PDE8B: variants seen among roughly 807,000 people sequenced by gnomAD.
PDE8B encodes phosphodiesterase 8B.
Under a neutral mutation model 101.3 loss-of-function variants are expected in PDE8B, and 26 were observed. That is an observed-to-expected ratio of 0.26 (90% CI 0.19 to 0.36). The LOEUF is 0.36. PDE8B is among the 10% of genes least tolerant of loss of function. The probability of loss-of-function intolerance (pLI) is 1.00; values close to 1 mark genes in which losing one functional copy is unlikely to be tolerated. For missense variants in PDE8B, 810 were observed against 1,163.1 expected, an observed-to-expected ratio of 0.70 and a Z score of 4.42; for synonymous variants, 424 against 429.3, an observed-to-expected ratio of 0.99 and a Z score of 0.15.
intron 18 of PDE8B, among the ~76,000 whole-genome samples, chr5:77,418,951 G>T (rs545975274): frequency 6.6e-6 from 1 of 152,104 alleles, no homozygotes; most frequent in Non-Finnish European, 1.5e-5. Context: ...AGGCTTGTGG[G>T]TATTTCCCAC....
chr5:77,290,511 CGAG>C (rs1767058431), intron 1 of PDE8B: 2 of 1,469,126 alleles, frequency 1.4e-6, no homozygotes, highest in South Asian at 2.3e-5. Context: ...TGCTCCAAAA[CGAG>C]GAGAAATAGT....
At chr5:77,260,264 CT>C (rs1760255907) in intron 1 of PDE8B, among the ~76,000 whole-genome samples, 1 of 151,472 alleles carries the variant, frequency 6.6e-6, no homozygotes, top group African/African-American at 2.4e-5. Context: ...ATTCAGGATT[CT>C]TTTGAAAAGC....
chr5:77,391,779 T>G (rs1789997235), intron 10 of PDE8B, among the ~76,000 whole-genome samples: 1 of 152,232 alleles, frequency 6.6e-6, no homozygotes, highest in South Asian at 2.1e-4. Flanking sequence ...GTTTTGTTTG[T>G]TTTTTGTTTT....
At chr5:77,190,781 C>T in the PDE8B span, among the ~76,000 whole-genome samples, 4 of 152,326 alleles carry the variant, frequency 2.6e-5, no homozygotes, top group African/African-American at 9.6e-5. Flanking sequence ...TTAAAACAAC[C>T]TCTGTCTCTC....
intron 1 of PDE8B, among the ~76,000 whole-genome samples, chr5:77,218,964 C>T (rs1415215774): frequency 6.6e-6 from 1 of 152,030 alleles, no homozygotes; most frequent in African/African-American, 2.4e-5. Context: ...ATAGGTTATC[C>T]CAAAGCCTTG....
chr5:77,210,996 G>C lies in PDE8B; in HGVS notation c.71G>C (p.Ser24Thr), dbSNP rs776010492. Residue 24 changes from serine (S) to threonine (T), a missense_variant, in exon 1 of 22, where the codon AGC becomes ACC. Coordinates refer to ENST00000264917, the MANE Select transcript of PDE8B (RefSeq NM_003719.5). This position sits in a 1 kb window ranked among gnomAD's most constrained non-coding sequence, Gnocchi z 4.9. Reference sequence around the variant, plus strand: ...TACTGCCGGGACTCGGACGAGTCCAGCTCGCCCCGCCAGACCACCAGCGTG... The same window carrying C: ...TACTGCCGGGACTCGGACGAGTCCACCTCGCCCCGCCAGACCACCAGCGTG... ...VIYCRDSDES[S>T]SPRQTTSVSQ... The C allele has an allele frequency of 1.3e-6, 2 of 1,546,096 alleles. No individual in the cohort carries two copies. The highest frequency in any genetic ancestry group is 2.6e-5 in the East Asian group (1 of 38,810).
the PDE8B span, among the ~76,000 whole-genome samples, chr5:77,096,149 C>A: frequency 6.6e-6 from 1 of 152,168 alleles, no homozygotes; most frequent in East Asian, 1.9e-4. Flanking sequence ...GCTACCACAC[C>A]CAGCGAATTT....
chr5:77,425,531 C>T (rs1003753050), intron 20 of PDE8B, among the ~76,000 whole-genome samples: 1 of 152,168 alleles, frequency 6.6e-6, no homozygotes, highest in Admixed American at 6.5e-5. Flanking sequence ...ACAGCTTGGG[C>T]AACAGAGTGA....
chr5:77,144,430 C>T, the PDE8B span: 1 of 152,082 alleles, frequency 6.6e-6, no homozygotes. Flanking sequence ...TGGCTCCAAA[C>T]GGTAAATACA....
chr5:77,107,561 G>A, the PDE8B span, among the ~76,000 whole-genome samples: 1 of 151,750 alleles, frequency 6.6e-6, no homozygotes, highest in East Asian at 1.9e-4. Context: ...GTGCAATATC[G>A]AATAGAACTG....
the PDE8B span, among the ~76,000 whole-genome samples, chr5:77,168,828 G>T: frequency 6.6e-6 from 1 of 152,134 alleles, no homozygotes; most frequent in African/African-American, 2.4e-5. Context: ...GCTCCACCTC[G>T]TCCCTGCAGA....
chr5:77,383,716 G>A (rs563723353), intron 10 of PDE8B, among the ~76,000 whole-genome samples: 27 of 152,152 alleles, frequency 1.8e-4, no homozygotes, highest in Non-Finnish European at 1.3e-4. Flanking sequence ...CAGTTTTCCC[G>A]ACCTCATTTA....
chr5:77,359,977 G>A (rs1244326265), intron 10 of PDE8B, among the ~76,000 whole-genome samples: 1 of 151,872 alleles, frequency 6.6e-6, no homozygotes, highest in Non-Finnish European at 1.5e-5. Context: ...TGTAATCCCA[G>A]CTACTTGGGA....
intron 1 of PDE8B, among the ~76,000 whole-genome samples, chr5:77,258,470 T>C (rs1468793702): frequency 6.6e-6 from 1 of 152,122 alleles, no homozygotes; most frequent in Admixed American, 6.5e-5. Context: ...TGCTTCATAC[T>C]GTGGCTTTGA....
At chr5:77,300,472 T>C (rs1490562577) in intron 1 of PDE8B, among the ~76,000 whole-genome samples, 1 of 152,198 alleles carries the variant, frequency 6.6e-6, no homozygotes, top group African/African-American at 2.4e-5. Flanking sequence ...GGAATTACCA[T>C]GGGAGCCCAT....
intron 10 of PDE8B, among the ~76,000 whole-genome samples, chr5:77,367,530 CTT>C (rs3031815): frequency 0.047 from 5,148 of 109,476 alleles, 267 homozygotes; most frequent in African/African-American, 0.13. Context: ...CTTTTTCTCT[CTT>C]TTTTTTTTTT....
At chr5:77,166,520 T>A in the PDE8B span, 2 of 152,228 alleles carry the variant, frequency 1.3e-5, no homozygotes, top group East Asian at 3.8e-4. Context: ...CATTGTGATC[T>A]GTGGCCTGGA....
At chr5:77,352,978 G>A (rs1781442106) in intron 9 of PDE8B, among the ~76,000 whole-genome samples, 2 of 152,202 alleles carry the variant, frequency 1.3e-5, no homozygotes, top group Non-Finnish European at 2.9e-5. Context: ...TTGTCCAAAT[G>A]AATCTTTTGT....
intron 1 of PDE8B, among the ~76,000 whole-genome samples, chr5:77,303,913 G>A (rs1015981522): frequency 6.6e-6 from 1 of 151,940 alleles, no homozygotes; most frequent in Admixed American, 6.6e-5. Context: ...CTATTGTATG[G>A]CTAGTCCTTG....
Sources: gnomAD v4.1 joint callset for allele counts (sites outside exome capture counted in the v4.1 genomes callset) on GRCh38, gnomAD v4.1.1 for gene constraint, Gnocchi (gnomAD v3.1) non-coding constraint, MANE v1.5 for transcripts, NCBI Gene and HGNC (gene_info 2026-07-23, HGNC 2026-07-21) for gene names.